Variants in NR1I2 observed in about 807,000 individuals in gnomAD.
The protein encoded by NR1I2 is nuclear receptor subfamily 1 group I member 2, also known as orphan nuclear receptor PAR1.
Under a neutral mutation model 43.3 loss-of-function variants are expected in NR1I2, and 42 were observed. The ratio of observed to expected loss-of-function variants is 0.97; its 90% CI spans 0.76 to 1.26. The LOEUF (loss-of-function observed/expected upper bound fraction) is 1.26. Among genes scored for constraint, NR1I2 ranks in the 50% most tolerant of loss-of-function variants. NR1I2 has a pLI of 0.00. For missense variants in NR1I2, 559 were observed against 566.7 expected (o/e 0.99, Z 0.14); for synonymous variants, 229 against 215.0 (o/e 1.06, Z -0.57).
rs575658459 is a variant in NR1I2 at position 119,787,834 on chromosome 3, TAC to T, written c.-23+5544_-23+5545del. On this transcript the variant is annotated intron_variant, in intron 1 of 8. Transcript: ENST00000393716. ...AATCGTGTGTATGTATATGTATGTA[TAC>T]ACACACACATAATTAAATATAATCC... Among the ~76,000 whole-genome samples the T allele has an allele frequency of 3.9e-5, 6 of 152,186 alleles. No homozygotes were observed. The East Asian group carries it at 9.6e-4, about 24-fold the overall frequency.
At chr3:119,805,618 G>A (rs987348103) in intron 1 of NR1I2, among the ~76,000 whole-genome samples, 2 of 151,424 alleles carry the variant, frequency 1.3e-5, no homozygotes, top group South Asian at 2.1e-4. Flanking sequence ...CAGGAGAATC[G>A]CTTGAGCCCG....
chr3:119,811,450 T>G (rs2055239597), intron 3 of NR1I2, 89 bp from the exon 4 acceptor site: 1 of 1,309,132 alleles, frequency 7.6e-7, no homozygotes, highest in Non-Finnish European at 1.0e-6. Flanking sequence ...CGGCTTCTGC[T>G]GCCTTGAGAG....
At chr3:119,792,312 C>A in intron 1 of NR1I2, 2 of 1,446,944 alleles carry the variant, frequency 1.4e-6, no homozygotes, top group Non-Finnish European at 1.9e-6. Flanking sequence ...TGGGCTCATC[C>A]TGGATGATGT....
chr3:119,802,736 G>C (rs1013562198), intron 1 of NR1I2, among the ~76,000 whole-genome samples: 4 of 152,200 alleles, frequency 2.6e-5, no homozygotes, highest in African/African-American at 9.7e-5. Flanking sequence ...TGAACAGTTA[G>C]AGGGTTATGT....
intron 1 of NR1I2, 86 bp from the exon 2 acceptor site, chr3:119,807,143 T>C (rs1017616321): frequency 1.2e-5 from 14 of 1,192,902 alleles, no homozygotes; most frequent in Non-Finnish European, 1.6e-5. Flanking sequence ...ATGTGAGTGA[T>C]GCATAGAAGG....
Position 119,817,890 on chromosome 3 carries a change from GTGGGGTATAC to G in NR1I2, c.*679_*688del. 1.0e-6 allele frequency: 1 copy of G among 987,508 alleles called. No homozygotes were observed. Among genetic ancestry groups the G allele is most frequent in the Non-Finnish European group, 1.2e-6 (1 of 830,730 alleles). 61.2% of individuals were successfully genotyped at this position (987,508 alleles called of 1,614,324 possible). ...AAGCACCGATAATAGGTAGCCTGCT[GTGGGGTATAC>G]AGCATTGACTCAGATATAGATCCTG... On this transcript the variant is annotated 3_prime_UTR_variant, in exon 9 of 9. Transcript: ENST00000393716.
At chr3:119,805,205 C>G (rs2055134794) in intron 1 of NR1I2, among the ~76,000 whole-genome samples, 1 of 151,710 alleles carries the variant, frequency 6.6e-6, no homozygotes, top group Admixed American at 6.6e-5. Flanking sequence ...TTTGATAACT[C>G]AGGGCATTTT....
rs769803311 is a variant in NR1I2, at chr3:119,815,307, C to A, written c.938-16C>A. ...CTTGCTGAGAAGCTGCCCCTCCATCCTGTTACCATCCACAGGTGGCTTCCA... is the reference window on the plus strand; with the variant it reads ...CTTGCTGAGAAGCTGCCCCTCCATCATGTTACCATCCACAGGTGGCTTCCA... On this transcript the variant is annotated splice_polypyrimidine_tract_variant and intron_variant, in intron 6 of 8. Transcript: ENST00000393716. The A allele has an allele frequency of 4.4e-6, 7 of 1,607,058 alleles. No homozygotes were observed. The Admixed American group carries it at 1.2e-4, about 27-fold the overall frequency.
At chr3:119,791,751 C>T in intron 1 of NR1I2, 2 of 409,874 alleles carry the variant, frequency 4.9e-6, no homozygotes, top group South Asian at 3.8e-5. Context: ...CCCATCTCTA[C>T]TAAAAATACA....
In NR1I2 at chr3:119,811,778, C is replaced by T. The variant is rs768523956; in HGVS notation, c.519+52C>T. 2.8e-4 allele frequency: 424 copies of T among 1,511,172 alleles called. 1 individual carries two copies. The highest frequency in any genetic ancestry group is 3.6e-4 in the Non-Finnish European group (397 of 1,107,346). The allele number at this position is 1,511,172 out of a possible 1,614,324, so 93.6% of individuals were successfully genotyped here. Reference sequence around the variant, plus strand: ...GGTGTCACTGCCATCTTCATTCTCACATAGAAACTGAGGTTCCCCAAGGAT... The same window carrying T: ...GGTGTCACTGCCATCTTCATTCTCATATAGAAACTGAGGTTCCCCAAGGAT... On this transcript the variant is annotated intron_variant, in intron 4 of 8. Transcript: ENST00000393716.
At position 119,810,451 on chromosome 3, in the gene NR1I2, C is replaced by G. The variant is rs1346201291; in HGVS notation, c.331+257C>G. ...GGCAGCCCTGGACAGGGCGTGCCCTCTGTCTCCCCTCAGTTGCTCCTGCAT... is the reference window on the plus strand; with the variant it reads ...GGCAGCCCTGGACAGGGCGTGCCCTGTGTCTCCCCTCAGTTGCTCCTGCAT... On this transcript the variant is annotated intron_variant, in intron 3 of 8. Transcript: ENST00000393716. 27 of 565,892 alleles carry G rather than the reference C, an allele frequency of 4.8e-5. No homozygotes were observed. In the East Asian group the frequency reaches 7.3e-4, roughly 15 times the overall value. 35.1% of individuals were successfully genotyped at this position (565,892 alleles called of 1,614,324 possible).
intron 3 of NR1I2, 99 bp from the exon 4 acceptor site, chr3:119,811,440 C>A: frequency 8.4e-7 from 1 of 1,195,864 alleles, no homozygotes; most frequent in Non-Finnish European, 1.2e-6. Context: ...TTTTGCCTAA[C>A]GGCTTCTGCT....
chr3:119,795,772 G>C (rs1388655403), intron 1 of NR1I2, among the ~76,000 whole-genome samples: 1 of 152,200 alleles, frequency 6.6e-6, no homozygotes, highest in Non-Finnish European at 1.5e-5. Flanking sequence ...CTCTCCTGTA[G>C]ATCATCCCTT....
chr3:119,814,315 A>G (rs2055286748), intron 5 of NR1I2, among the ~76,000 whole-genome samples: 1 of 152,194 alleles, frequency 6.6e-6, no homozygotes, highest in South Asian at 2.1e-4. Context: ...AAGGGTATCC[A>G]TGTAACCATA....
At chr3:119,784,005 T>C (rs1475657637) in intron 1 of NR1I2, among the ~76,000 whole-genome samples, 1 of 152,236 alleles carries the variant, frequency 6.6e-6, no homozygotes, top group Non-Finnish European at 1.5e-5. Flanking sequence ...TTTCCAATTT[T>C]TCAGTCTTAC....
chr3:119,815,064 G>A lies in NR1I2; in HGVS notation c.880G>A (p.Ala294Thr), dbSNP rs763780333. Residue 294 changes from alanine (A) to threonine (T), a missense_variant, in exon 6 of 9, where the codon GCG becomes ACG. Ala to Thr is a moderately conservative substitution (Grantham distance 58). Transcript: ENST00000393716. ...ACTGAGATTCAACACAGTGTTCAAC[G>A]CGGAGACTGGAACCTGGGAGTGTGG... The A allele has an allele frequency of 1.4e-5, 22 of 1,614,022 alleles. No individual in the cohort carries two copies. Among genetic ancestry groups the A allele is most frequent in the East Asian group, 4.5e-5 (2 of 44,890 alleles).
chr3:119,813,411 G>A (rs1264119538), intron 5 of NR1I2, among the ~76,000 whole-genome samples: 1 of 152,156 alleles, frequency 6.6e-6, no homozygotes, highest in South Asian at 2.1e-4. Context: ...GAGCCCAAGG[G>A]TCAGGTCTCC....
Position 119,815,105 on chromosome 3 carries a change from C to G in NR1I2, c.921C>G (p.Cys307Trp). Reference sequence around the variant, plus strand: ...GGGAGTGTGGCCGGCTGTCCTACTGCTTGGAAGACACTGCAGGTGCCCGAG... The same window carrying G: ...GGGAGTGTGGCCGGCTGTCCTACTGGTTGGAAGACACTGCAGGTGCCCGAG... The change falls in exon 6 of 9, where the codon TGC becomes TGG. Residue 307 changes from cysteine to tryptophan, a missense_variant. Cys to Trp is a radical substitution (Grantham distance 215). Transcript: ENST00000393716. The G allele has an allele frequency of 6.2e-7, 1 of 1,614,160 alleles. No homozygotes were observed. Among genetic ancestry groups the G allele is most frequent in the Non-Finnish European group, 8.5e-7 (1 of 1,180,030 alleles).
intron 1 of NR1I2, among the ~76,000 whole-genome samples, chr3:119,783,753 T>G (rs2054809347): frequency 6.6e-6 from 1 of 152,184 alleles, no homozygotes; most frequent in African/African-American, 2.4e-5. Context: ...CCAAAAGTAC[T>G]TAGTGTGATA....
Sources: gnomAD v4.1 joint callset for allele counts (sites outside exome capture counted in the v4.1 genomes callset) on GRCh38, gnomAD v4.1.1 for gene constraint, MANE v1.5 for transcripts, NCBI Gene and HGNC (gene_info 2026-07-23, HGNC 2026-07-21) for gene names.